The following ANO6 variants were observed in gnomAD, a reference collection of about 807,000 sequenced individuals.
The protein encoded by ANO6 is anoctamin 6, also known as anoctamin-6.
Under a neutral mutation model 117.5 loss-of-function variants are expected in ANO6, and 106 were observed. The observed-to-expected ratio is 0.90, with a 90% CI of 0.77 to 1.06. ANO6 has a LOEUF of 1.06. Among genes scored for constraint, ANO6 ranks in the 50% least tolerant of loss-of-function variants. The probability of loss-of-function intolerance (pLI) is 0.00; values close to 1 mark genes in which losing one functional copy is unlikely to be tolerated. For synonymous variants in ANO6, 367 were observed against 385.1 expected (o/e 0.95, Z 0.55); for missense variants, 955 against 1,121.1 (o/e 0.85, Z 2.12).
chr12:45,354,088 G>A (rs576106580), intron 7 of ANO6, among the ~76,000 whole-genome samples: 2 of 152,264 alleles, frequency 1.3e-5, no homozygotes, highest in East Asian at 1.9e-4. Context: ...TTCCAGAGAA[G>A]TATCTGAAGA....
intron 1 of ANO6, among the ~76,000 whole-genome samples, chr12:45,261,272 A>T (rs1938023743): frequency 6.6e-6 from 1 of 152,232 alleles, no homozygotes; most frequent in Non-Finnish European, 1.5e-5. Flanking sequence ...CTCGAAAAGG[A>T]TTCAGAACAT....
chr12:45,296,826 A>T (rs1939311168), intron 1 of ANO6, among the ~76,000 whole-genome samples: 1 of 152,226 alleles, frequency 6.6e-6, no homozygotes, highest in African/African-American at 2.4e-5. Flanking sequence ...CAAAAATAGG[A>T]TTAAATAAGA....
chr12:45,308,581 T>C (rs1208612940), intron 2 of ANO6, among the ~76,000 whole-genome samples: 1 of 152,060 alleles, frequency 6.6e-6, no homozygotes, highest in Non-Finnish European at 1.5e-5. Context: ...GTAGTGGTCA[T>C]GGTCAGGGTT....
At chr12:45,227,375 G>T (rs1337228857) in intron 1 of ANO6, among the ~76,000 whole-genome samples, 2 of 152,154 alleles carry the variant, frequency 1.3e-5, no homozygotes, top group Non-Finnish European at 2.9e-5. Context: ...GAGTGTTAAG[G>T]AGTGAAGAGG....
At chr12:45,273,746 C>G (rs1308590916) in intron 1 of ANO6, among the ~76,000 whole-genome samples, 1 of 152,210 alleles carries the variant, frequency 6.6e-6, no homozygotes, top group Non-Finnish European at 1.5e-5. Context: ...ATTTCACAGG[C>G]ACAGGGATCT....
chr12:45,308,439 G>T (rs1174917584), intron 2 of ANO6, among the ~76,000 whole-genome samples: 1 of 152,030 alleles, frequency 6.6e-6, no homozygotes, highest in Non-Finnish European at 1.5e-5. Context: ...CAAGGCATTA[G>T]CTAAGATTGA....
At chr12:45,408,218 A>G (rs1257795775) in intron 15 of ANO6, among the ~76,000 whole-genome samples, 1 of 152,176 alleles carries the variant, frequency 6.6e-6, no homozygotes, top group Admixed American at 6.5e-5. Flanking sequence ...TCATTGTCAG[A>G]GTTTGAAGTC....
intron 2 of ANO6, among the ~76,000 whole-genome samples, chr12:45,311,074 T>G (rs1328171515): frequency 2.6e-5 from 4 of 152,056 alleles, no homozygotes; most frequent in Non-Finnish European, 5.9e-5. Flanking sequence ...ACATTTTTGG[T>G]GTTTTGATTT....
intron 1 of ANO6, among the ~76,000 whole-genome samples, chr12:45,298,033 T>C (rs1019371028): frequency 2.6e-5 from 4 of 152,226 alleles, no homozygotes; most frequent in African/African-American, 7.2e-5. Flanking sequence ...TTTTGATGTT[T>C]GTTGAACCTG....
intron 13 of ANO6, among the ~76,000 whole-genome samples, chr12:45,402,863 C>G (rs754547480): frequency 2.0e-5 from 3 of 152,030 alleles, no homozygotes; most frequent in Non-Finnish European, 2.9e-5. Flanking sequence ...CTATTGTATT[C>G]CTACTGTGAG....
chr12:45,403,373 A>G (rs1942846516), intron 14 of ANO6, 66 bp from the exon 15 acceptor site: 1 of 1,529,990 alleles, frequency 6.5e-7, no homozygotes, highest in Non-Finnish European at 9.1e-7. Context: ...TCAGAAAAAT[A>G]GAATGCCTAT....
At chr12:45,250,761 TAAAAAAAAA>T (rs1237444756) in intron 1 of ANO6, among the ~76,000 whole-genome samples, 2 of 116,562 alleles carry the variant, frequency 1.7e-5, no homozygotes, top group African/African-American at 3.2e-5. Context: ...TCTGGTTACT[TAAAAAAAAA>T]AAAAAAAAAA....
chr12:45,265,723 A>G (rs944608047), intron 1 of ANO6, among the ~76,000 whole-genome samples: 3 of 152,112 alleles, frequency 2.0e-5, no homozygotes, highest in African/African-American at 7.2e-5. Context: ...CTTCAGAAAC[A>G]CCTTCGTAGA....
chr12:45,326,669 T>A (rs1940476386), intron 2 of ANO6, among the ~76,000 whole-genome samples: 1 of 152,148 alleles, frequency 6.6e-6, no homozygotes, highest in African/African-American at 2.4e-5. Flanking sequence ...AATGAACTCT[T>A]TCAAGGTCAC....
intron 2 of ANO6, among the ~76,000 whole-genome samples, chr12:45,320,407 G>A (rs1323814918): frequency 6.6e-6 from 1 of 152,092 alleles, no homozygotes; most frequent in East Asian, 1.9e-4. Context: ...AGGTTGTTCA[G>A]TTTCCATGTA....
Position 45,329,077 on chromosome 12 carries a change from T to C in ANO6, c.151-2218T>C, listed in dbSNP as rs184879506. Among the ~76,000 whole-genome samples the C allele has an allele frequency of 1.6e-3, 248 of 152,316 alleles. 3 individuals carry two copies. The highest frequency in any genetic ancestry group is 5.6e-3 in the African/African-American group (232 of 41,574). Reference sequence around the variant, plus strand: ...CATACAGTAAGTCAATCTCACTTGCTGTCCAAGGCAACTTTCAAACACCCT... The same window carrying C: ...CATACAGTAAGTCAATCTCACTTGCCGTCCAAGGCAACTTTCAAACACCCT... On this transcript the variant is annotated intron_variant, in intron 2 of 19. Transcript: ENST00000320560.
At chr12:45,438,736 G>A (rs1943736648) in intron 19 of ANO6, among the ~76,000 whole-genome samples, 1 of 152,176 alleles carries the variant, frequency 6.6e-6, no homozygotes, top group Non-Finnish European at 1.5e-5. Context: ...TCAACTTGTA[G>A]TAGTGTGACT....
At chr12:45,435,936 T>A (rs10880783), downstream of ANO6, among the ~76,000 whole-genome samples, 26,690 of 152,002 alleles carry the variant, frequency 0.18, 3,446 homozygotes, top group East Asian at 0.46. Context: ...TAAAAATAGA[T>A]CACTGACCCT....
intron 2 of ANO6, among the ~76,000 whole-genome samples, chr12:45,303,646 A>C (rs1325144797): frequency 6.6e-6 from 1 of 152,224 alleles, no homozygotes; most frequent in South Asian, 2.1e-4. Flanking sequence ...CAGATAAGGC[A>C]GATACACTGA....
Sources: allele counts gnomAD v4.1 joint callset (sites outside exome capture counted in the v4.1 genomes callset), GRCh38; gene constraint gnomAD v4.1.1; transcripts MANE v1.5; gene names NCBI Gene and HGNC (gene_info 2026-07-23, HGNC 2026-07-21).